Variants in ZMYND11 observed in about 807,000 individuals in gnomAD.
ZMYND11 encodes the protein zinc finger MYND-type containing 11, also known as zinc finger MYND domain-containing protein 11.
Under a neutral mutation model 84.9 loss-of-function variants are expected in ZMYND11, and 9 were observed. The observed-to-expected ratio is 0.11, with a 90% CI of 0.06 to 0.18. ZMYND11 has a LOEUF of 0.18. Among genes scored for constraint, ZMYND11 ranks in the 10% least tolerant of loss-of-function variants. The pLI, the probability that ZMYND11 is intolerant of heterozygous loss-of-function variation, is 1.00. For synonymous variants in ZMYND11, 250 were observed against 244.1 expected (o/e 1.02, Z -0.23); for missense variants, 409 against 761.0 (o/e 0.54, Z 5.44).
intron 4 of ZMYND11, among the ~76,000 whole-genome samples, chr10:233,488 A>C (rs959094800): frequency 6.6e-6 from 1 of 152,238 alleles, no homozygotes; most frequent in Non-Finnish European, 1.5e-5. Context: ...GTCCTAACGT[A>C]ATAAACACTT....
intron 1 of ZMYND11, among the ~76,000 whole-genome samples, chr10:158,613 G>T (rs1286394653): frequency 6.7e-6 from 1 of 149,668 alleles, no homozygotes; most frequent in Non-Finnish European, 1.5e-5. Context: ...TAGAGACGGG[G>T]TTTCACCATG....
upstream of ZMYND11, among the ~76,000 whole-genome samples, chr10:131,713 A>C (rs1433925665): frequency 2.0e-5 from 3 of 151,380 alleles, no homozygotes; most frequent in Non-Finnish European, 4.4e-5. Context: ...AATTTTGTAG[A>C]GATGCGTCCT....
At chr10:149,285 GTTATTATTA>G (rs61508487) in intron 1 of ZMYND11, among the ~76,000 whole-genome samples, 35,289 of 139,174 alleles carry the variant, frequency 0.25, 5,377 homozygotes, top group Non-Finnish European at 0.34. Flanking sequence ...TGAGGTGGTT[GTTATTATTA>G]TTATTATTAT....
intron 1 of ZMYND11, among the ~76,000 whole-genome samples, chr10:160,442 G>A (rs1554761406): frequency 6.6e-6 from 1 of 152,162 alleles, no homozygotes; most frequent in African/African-American, 2.4e-5. Context: ...GGTGGTGGCT[G>A]CTGGAGGTTG....
chr10:231,396 A>G (rs1047875737), intron 4 of ZMYND11, among the ~76,000 whole-genome samples: 12 of 152,228 alleles, frequency 7.9e-5, no homozygotes, highest in Admixed American at 2.6e-4. Flanking sequence ...TAGATTTCCA[A>G]TTTTGCACTT....
At position 253,652 on chromosome 10, in the gene ZMYND11, ACTTTT is replaced by A. The variant is rs990041158; in HGVS notation, c.*1188_*1192del. ...AAATACAGCCAGGAAAACTTAAATT[ACTTTT>A]CTTTTAAAATATCTCACAATTTATG... On this transcript the variant is annotated 3_prime_UTR_variant, in exon 15 of 15. Transcript: ENST00000381604. 2.6e-5 allele frequency: 4 copies of A among 152,626 alleles called. No individual in the cohort carries two copies. Among genetic ancestry groups the A allele is most frequent in the Non-Finnish European group, 5.9e-5 (4 of 68,048 alleles). 9.5% of individuals were successfully genotyped at this position (152,626 alleles called of 1,614,324 possible). A position where few individuals can be genotyped will look rare whatever the true frequency, so the allele number is the denominator to read the frequency against.
chr10:176,048 C>T (rs1554766860), intron 1 of ZMYND11, among the ~76,000 whole-genome samples: 5 of 152,152 alleles, frequency 3.3e-5, no homozygotes, highest in Non-Finnish European at 5.9e-5. Context: ...GTATATATCA[C>T]CAAGCAACTT....
intron 1 of ZMYND11, among the ~76,000 whole-genome samples, chr10:144,742 AAT>A (rs1564259094): frequency 6.9e-6 from 1 of 145,590 alleles, no homozygotes; most frequent in Non-Finnish European, 1.5e-5. Context: ...ATATATATAT[AAT>A]ATATATATGC....
chr10:206,029 TTG>T (rs1240642754), intron 2 of ZMYND11, among the ~76,000 whole-genome samples: 10 of 151,934 alleles, frequency 6.6e-5, no homozygotes, highest in African/African-American at 2.4e-4. Context: ...TTTTTTTTTT[TTG>T]TTTCAGAATA....
intron 2 of ZMYND11, among the ~76,000 whole-genome samples, chr10:193,389 C>G (rs1013998241): frequency 1.4e-4 from 21 of 152,160 alleles, no homozygotes; most frequent in African/African-American, 4.8e-4. Context: ...CTTGTGTGCC[C>G]TCTGACCCTG....
intron 1 of ZMYND11, among the ~76,000 whole-genome samples, chr10:176,835 A>G (rs1449815356): frequency 6.6e-6 from 1 of 152,132 alleles, no homozygotes; most frequent in Admixed American, 6.6e-5. Flanking sequence ...CCAGGGAGAG[A>G]GAACTGCATA....
chr10:219,460 G>A (rs1046285680), intron 3 of ZMYND11, among the ~76,000 whole-genome samples: 1 of 152,124 alleles, frequency 6.6e-6, no homozygotes, highest in Non-Finnish European at 1.5e-5. Flanking sequence ...GAAATATTTT[G>A]TCTTAACTTT....
chr10:160,694 C>T (rs1842754287), intron 1 of ZMYND11, among the ~76,000 whole-genome samples: 1 of 152,180 alleles, frequency 6.6e-6, no homozygotes, highest in Non-Finnish European at 1.5e-5. Flanking sequence ...ACAACATCTT[C>T]ATCAGGGTTA....
chr10:251,326 C>G (rs905104220), intron 14 of ZMYND11, among the ~76,000 whole-genome samples: 2 of 152,184 alleles, frequency 1.3e-5, no homozygotes, highest in Non-Finnish European at 2.9e-5. Context: ...TGAATCCCGA[C>G]ACGCCTCATC....
intron 6 of ZMYND11, 65 bp downstream of exon 6, chr10:237,742 T>C (rs1336105944): frequency 2.3e-6 from 3 of 1,321,358 alleles, no homozygotes; most frequent in South Asian, 1.4e-5. Flanking sequence ...TAAAGAATAA[T>C]GTAGCAGTTA....
chr10:187,430 C>A (rs532126995), intron 2 of ZMYND11, among the ~76,000 whole-genome samples: 8 of 151,654 alleles, frequency 5.3e-5, no homozygotes, highest in African/African-American at 1.5e-4. Flanking sequence ...GTCAGGAGAT[C>A]GAGACCATCT....
intron 1 of ZMYND11, among the ~76,000 whole-genome samples, chr10:144,710 AT>A (rs1372666762): frequency 2.3e-5 from 3 of 128,804 alleles, no homozygotes; most frequent in Non-Finnish European, 4.8e-5. Context: ...CTGGGCTCTA[AT>A]TTTTTATTTC....
At chr10:137,222 A>G (rs1341102011) in intron 1 of ZMYND11, among the ~76,000 whole-genome samples, 1 of 152,030 alleles carries the variant, frequency 6.6e-6, no homozygotes, top group Admixed American at 6.5e-5. Flanking sequence ...CAGGGTATCT[A>G]GTACCCTGGG....
At chr10:223,950 T>C (rs973232853) in intron 4 of ZMYND11, among the ~76,000 whole-genome samples, 4 of 152,064 alleles carry the variant, frequency 2.6e-5, no homozygotes, top group Non-Finnish European at 4.4e-5. Context: ...TCTACTCTGT[T>C]TTTTTTTCAA....
Sources: gnomAD v4.1 joint callset for allele counts (sites outside exome capture counted in the v4.1 genomes callset) on GRCh38, gnomAD v4.1.1 for gene constraint, MANE v1.5 for transcripts, NCBI Gene and HGNC (gene_info 2026-07-23, HGNC 2026-07-21) for gene names.